NELL1: variants seen among roughly 807,000 people sequenced by gnomAD.
The protein encoded by NELL1 is neural EGFL like 1, also known as protein kinase C-binding protein NELL1.
A neutral mutation model predicts 107.4 loss-of-function variants in NELL1; 76 were observed. That is an observed-to-expected ratio of 0.71 (90% confidence interval 0.59 to 0.86). The LOEUF is 0.86. NELL1 is among the 40% of genes least tolerant of loss of function. The probability of loss-of-function intolerance (pLI) is 0.00; values close to 1 mark genes in which losing one functional copy is unlikely to be tolerated. For missense variants in NELL1, 1,024 were observed against 1,005.5 expected (o/e 1.02, Z -0.25); for synonymous variants, 353 against 341.2 (o/e 1.03, Z -0.38).
intron 16 of NELL1, among the ~76,000 whole-genome samples, chr11:21,538,776 T>C (rs1053601493): frequency 6.6e-6 from 1 of 152,138 alleles, no homozygotes; most frequent in Non-Finnish European, 1.5e-5. Context: ...TAATTAACAA[T>C]GGCATGTATA....
At chr11:21,260,268 G>C (rs1399032571) in intron 14 of NELL1, 3 of 145,174 alleles carry the variant, frequency 2.1e-5, no homozygotes, top group Non-Finnish European at 3.0e-5. Context: ...GTAAGTGTTA[G>C]TTTTCTGTTC....
chr11:21,333,973 G>T (rs1164765157), intron 14 of NELL1, among the ~76,000 whole-genome samples: 1 of 151,960 alleles, frequency 6.6e-6, no homozygotes, highest in African/African-American at 2.4e-5. Flanking sequence ...TCCATTTTTG[G>T]GTTGGAACAC....
At chr11:21,078,554 C>A (rs1854194662) in intron 12 of NELL1, among the ~76,000 whole-genome samples, 1 of 152,014 alleles carries the variant, frequency 6.6e-6, no homozygotes. Context: ...AAAATGAATG[C>A]ATATTAAATT....
At chr11:21,088,519 T>G (rs1854451054) in intron 12 of NELL1, among the ~76,000 whole-genome samples, 1 of 152,140 alleles carries the variant, frequency 6.6e-6, no homozygotes, top group Admixed American at 6.6e-5. Context: ...CTTGGGTAAA[T>G]TATACACATA....
At chr11:20,859,340 T>A (rs184506770) in intron 4 of NELL1, among the ~76,000 whole-genome samples, 1 of 152,342 alleles carries the variant, frequency 6.6e-6, no homozygotes, top group East Asian at 1.9e-4. Context: ...GTTTTTAGAT[T>A]CAAAGACTCC....
intron 12 of NELL1, among the ~76,000 whole-genome samples, chr11:21,099,335 C>CAGG (rs1411381245): frequency 6.6e-6 from 1 of 151,922 alleles, no homozygotes; most frequent in African/African-American, 2.4e-5. Flanking sequence ...TTTGCCTGAG[C>CAGG]AGGAGGCAGC....
At chr11:21,105,390 TGTG>T (rs572176929) in intron 12 of NELL1, among the ~76,000 whole-genome samples, 20 of 152,270 alleles carry the variant, frequency 1.3e-4, no homozygotes, top group Admixed American at 1.1e-3. Context: ...TTGAACCAGA[TGTG>T]GTGTTTACGT....
intron 14 of NELL1, among the ~76,000 whole-genome samples, chr11:21,363,342 G>C (rs1019183265): frequency 6.6e-6 from 1 of 152,164 alleles, no homozygotes; most frequent in Admixed American, 6.5e-5. Flanking sequence ...TTCATCTCTA[G>C]GTAAGGTAAA....
At chr11:20,924,157 G>T (rs1257705915) in intron 7 of NELL1, among the ~76,000 whole-genome samples, 1 of 152,144 alleles carries the variant, frequency 6.6e-6, no homozygotes. Context: ...AAATGAATGT[G>T]TATAAATTCA....
At chr11:21,476,681 G>A (rs571926365) in intron 15 of NELL1, among the ~76,000 whole-genome samples, 51 of 152,224 alleles carry the variant, frequency 3.4e-4, no homozygotes, top group African/African-American at 1.2e-3. Context: ...ACTGAAAAAG[G>A]CACTGAAAGA....
At chr11:21,016,961 C>G (rs1336863500) in intron 12 of NELL1, among the ~76,000 whole-genome samples, 3 of 152,192 alleles carry the variant, frequency 2.0e-5, no homozygotes, top group South Asian at 4.1e-4. Context: ...TTTAATTTCT[C>G]TGGTCTCAAT....
intron 12 of NELL1, among the ~76,000 whole-genome samples, chr11:21,028,168 C>T (rs189695856): frequency 6.6e-6 from 1 of 152,146 alleles, no homozygotes; most frequent in Admixed American, 6.6e-5. Flanking sequence ...AAGAGTGTCA[C>T]CTAGCACATA....
chr11:21,259,275 T>A (rs1291441844), intron 14 of NELL1, among the ~76,000 whole-genome samples: 1 of 151,878 alleles, frequency 6.6e-6, no homozygotes, highest in African/African-American at 2.4e-5. Flanking sequence ...TCTATTGTGC[T>A]TTAAGGGAGC....
intron 15 of NELL1, among the ~76,000 whole-genome samples, chr11:21,424,411 A>C (rs1852769576): frequency 6.6e-6 from 1 of 152,082 alleles, no homozygotes; most frequent in Non-Finnish European, 1.5e-5. Context: ...ACTTGAGGTC[A>C]GGAGTTCAAG....
chr11:20,875,315 C>T (rs1849283920), intron 4 of NELL1, among the ~76,000 whole-genome samples: 1 of 152,092 alleles, frequency 6.6e-6, no homozygotes, highest in South Asian at 2.1e-4. Flanking sequence ...CTAATTCCTG[C>T]CTATTAATAT....
At chr11:21,329,980 C>T (rs1850235012) in intron 14 of NELL1, among the ~76,000 whole-genome samples, 1 of 151,944 alleles carries the variant, frequency 6.6e-6, no homozygotes, top group African/African-American at 2.4e-5. Context: ...TTTAAAGTAG[C>T]TGAGAGAAGA....
At chr11:21,348,554 T>A (rs1018329454) in intron 14 of NELL1, among the ~76,000 whole-genome samples, 4 of 152,112 alleles carry the variant, frequency 2.6e-5, no homozygotes, top group Non-Finnish European at 4.4e-5. Context: ...AATGTTTGGA[T>A]AAAAATAGCA....
intron 9 of NELL1, among the ~76,000 whole-genome samples, chr11:20,936,583 TTA>T (rs1213090652): frequency 6.6e-6 from 1 of 152,200 alleles, no homozygotes; most frequent in Non-Finnish European, 1.5e-5. Flanking sequence ...TCTAGGTTCT[TTA>T]TCTGCAAACA....
chr11:21,509,537 G>C (rs1484371723), intron 15 of NELL1, among the ~76,000 whole-genome samples: 1 of 151,914 alleles, frequency 6.6e-6, no homozygotes, highest in African/African-American at 2.4e-5. Context: ...TTCAAGATGG[G>C]TAAATATCAA....
Sources: allele counts gnomAD v4.1 joint callset (sites outside exome capture counted in the v4.1 genomes callset), GRCh38; gene constraint gnomAD v4.1.1; transcripts MANE v1.5; gene names NCBI Gene and HGNC (gene_info 2026-07-23, HGNC 2026-07-21).